Variants in DLGAP4 observed in about 807,000 individuals in gnomAD.
The protein encoded by DLGAP4 is DLG associated protein 4, also known as disks large-associated protein 4.
A neutral mutation model predicts 86.9 loss-of-function variants in DLGAP4; 18 were observed. That is an observed-to-expected ratio of 0.21 (90% CI 0.14 to 0.31). DLGAP4 has a LOEUF of 0.31. DLGAP4 is among the 10% of genes least tolerant of loss of function. DLGAP4 has a pLI of 1.00. For missense variants in DLGAP4, 1,085 were observed against 1,362.6 expected, an observed-to-expected ratio of 0.80 and a Z score of 3.21; for synonymous variants, 548 against 574.3, an observed-to-expected ratio of 0.95 and a Z score of 0.65.
intron 7 of DLGAP4, among the ~76,000 whole-genome samples, chr20:36,467,815 T>C (rs1258680037): frequency 6.6e-6 from 1 of 152,228 alleles, no homozygotes; most frequent in Non-Finnish European, 1.5e-5. Context: ...GCTGTTTGCC[T>C]GGCTCTGCGC....
intron 7 of DLGAP4, among the ~76,000 whole-genome samples, chr20:36,453,856 C>G (rs572849849): frequency 2.2e-4 from 32 of 148,512 alleles, no homozygotes; most frequent in Non-Finnish European, 4.7e-4. Context: ...TCGCTTGAAC[C>G]CAGGAGGCGG....
intron 1 of DLGAP4, among the ~76,000 whole-genome samples, chr20:36,349,234 C>T (rs569932707): frequency 1.3e-5 from 2 of 148,160 alleles, no homozygotes; most frequent in Non-Finnish European, 3.0e-5. Context: ...CTGGCTAACA[C>T]GGTGAGACCC....
At chr20:36,494,451 T>C (rs1396745211) in intron 7 of DLGAP4, among the ~76,000 whole-genome samples, 4 of 152,214 alleles carry the variant, frequency 2.6e-5, no homozygotes, top group Admixed American at 2.6e-4. Flanking sequence ...AATTGTAGAT[T>C]CACATGCAGT....
intron 7 of DLGAP4, among the ~76,000 whole-genome samples, chr20:36,491,140 C>T (rs2035646191): frequency 6.7e-6 from 1 of 150,316 alleles, no homozygotes; most frequent in African/African-American, 2.5e-5. Context: ...TGCAGTGAGC[C>T]AAGATCGCAC....
chr20:36,478,264 T>C (rs769501209), intron 7 of DLGAP4, among the ~76,000 whole-genome samples: 9 of 152,008 alleles, frequency 5.9e-5, no homozygotes, highest in Non-Finnish European at 1.2e-4. Flanking sequence ...TGAGGAGTCT[T>C]CTCGACACAG....
chr20:36,399,274 T>C (rs1327473696), intron 2 of DLGAP4, among the ~76,000 whole-genome samples: 1 of 152,218 alleles, frequency 6.6e-6, no homozygotes, highest in Non-Finnish European at 1.5e-5. Context: ...ATGAGGGCTT[T>C]ACATTCAAGA....
At chr20:36,503,736 C>G (rs1035204538) in intron 10 of DLGAP4, among the ~76,000 whole-genome samples, 6 of 152,134 alleles carry the variant, frequency 3.9e-5, no homozygotes, top group African/African-American at 1.2e-4. Context: ...GATCCGCCCA[C>G]CTCAGCCTCC....
intron 6 of DLGAP4, among the ~76,000 whole-genome samples, chr20:36,444,680 AC>A: frequency 6.6e-6 from 1 of 151,972 alleles, no homozygotes; most frequent in East Asian, 1.9e-4. Flanking sequence ...TCGTTTTATC[AC>A]CCAGGTTGGA....
rs113021280 is a variant in DLGAP4, at chr20:36,432,071, C to T, written c.354C>T (p.Gly118=). 8.7e-6 allele frequency: 14 copies of T among 1,614,172 alleles called. No homozygotes were observed. Among genetic ancestry groups the T allele is most frequent in the African/African-American group, 5.3e-5 (4 of 75,068 alleles). ...FEKQLPIHRD[G]FSTLQFPRGE... ...AGCAGCTGCCCATCCACCGTGATGG[C>T]TTCAGCACCCTCCAATTTCCCCGTG... Residue 118 remains glycine, a synonymous_variant, in exon 3 of 13, where the codon GGC becomes GGT. Transcript: ENST00000339266. This position sits in a 1 kb window ranked among gnomAD's most constrained non-coding sequence, Gnocchi z 6.5.
chr20:36,462,387 GC>G, intron 7 of DLGAP4: 1 of 1,284,216 alleles, frequency 7.8e-7, no homozygotes, highest in Non-Finnish European at 9.7e-7. Context: ...CGGTGGTCTC[GC>G]CACTCTGTGC....
rs376006423 is a variant in DLGAP4, at chr20:36,500,341, G to A, written c.2242G>A (p.Gly748Ser). The change falls in exon 10 of 13, where the codon GGT becomes AGT. Residue 748 changes from glycine (G) to serine (S), a missense_variant. By Grantham distance (56) the Gly-to-Ser change is moderately conservative. Transcript: ENST00000339266. This position sits in a 1 kb window ranked among gnomAD's most constrained non-coding sequence, Gnocchi z 4.6. The part of the protein sequence containing the change: ...PHPNSISIDA[G>S]PRQAPKIAQI... Reference sequence around the variant, plus strand: ...CCCCAACTCCATCAGCATCGATGCCGGTCCCCGGCAGGCCCCCAAGATTGC... The same window carrying A: ...CCCCAACTCCATCAGCATCGATGCCAGTCCCCGGCAGGCCCCCAAGATTGC... 3.5e-5 allele frequency: 57 copies of A among 1,613,446 alleles called. No homozygotes were observed. The highest frequency in any genetic ancestry group is 1.2e-4 in the Admixed American group (7 of 59,906).
intron 1 of DLGAP4, among the ~76,000 whole-genome samples, chr20:36,356,563 G>A (rs977428085): frequency 2.6e-5 from 4 of 151,750 alleles, no homozygotes; most frequent in Non-Finnish European, 5.9e-5. Context: ...CCACTGCCTC[G>A]GCCTCCCAAA....
At chr20:36,349,374 C>A (rs1258981191) in intron 1 of DLGAP4, among the ~76,000 whole-genome samples, 2 of 149,220 alleles carry the variant, frequency 1.3e-5, no homozygotes, top group Admixed American at 6.7e-5. Context: ...GCCGAGATCA[C>A]GCCACTGCAC....
chr20:36,428,939 C>T (rs1364774839), intron 2 of DLGAP4, among the ~76,000 whole-genome samples: 3 of 151,452 alleles, frequency 2.0e-5, no homozygotes, highest in South Asian at 2.1e-4. Context: ...GGATTACAGG[C>T]GTAAGCCACC....
rs1054211216 is a variant in DLGAP4, at chr20:36,312,933, C to G, written c.-304+6421C>G. Reference sequence around the variant, plus strand: ...GAGCAGGTTTGCTACTGCTGTGTGTCCCTAACTGATTGCCTGCACCTCTCT... The same window carrying G: ...GAGCAGGTTTGCTACTGCTGTGTGTGCCTAACTGATTGCCTGCACCTCTCT... On this transcript the variant is annotated intron_variant, in intron 1 of 12. Transcript: ENST00000339266. Among the ~76,000 whole-genome samples the G allele has an allele frequency of 7.0e-3, 1,065 of 152,174 alleles. 12 individuals are homozygous for G. The highest frequency in any genetic ancestry group is 0.024 in the African/African-American group (1,012 of 41,518).
chr20:36,438,376 A>AT (rs1368833417), intron 4 of DLGAP4, among the ~76,000 whole-genome samples: 42 of 83,046 alleles, frequency 5.1e-4, no homozygotes, highest in African/African-American at 1.3e-3. Context: ...TGTCTCAAAA[A>AT]AAAATATATA....
chr20:36,353,322 G>A (rs1320273327), intron 1 of DLGAP4, among the ~76,000 whole-genome samples: 1 of 152,174 alleles, frequency 6.6e-6, no homozygotes, highest in Non-Finnish European at 1.5e-5. Context: ...ACTGAGAGGG[G>A]GCGGCTCTGG....
intron 7 of DLGAP4, among the ~76,000 whole-genome samples, chr20:36,486,801 G>A (rs897605372): frequency 1.3e-5 from 2 of 151,830 alleles, no homozygotes; most frequent in East Asian, 1.9e-4. Context: ...TAGTAGAGGC[G>A]GGGTTTCACC....
intron 10 of DLGAP4, among the ~76,000 whole-genome samples, chr20:36,522,769 G>C (rs563078415): frequency 6.6e-6 from 1 of 152,124 alleles, no homozygotes; most frequent in Non-Finnish European, 1.5e-5. Context: ...ACCCGCCTCA[G>C]CCTCCCCCAT....
Sources: gnomAD v4.1 joint callset for allele counts (sites outside exome capture counted in the v4.1 genomes callset) on GRCh38, gnomAD v4.1.1 for gene constraint, Gnocchi (gnomAD v3.1) non-coding constraint, MANE v1.5 for transcripts, NCBI Gene and HGNC (gene_info 2026-07-23, HGNC 2026-07-21) for gene names.